NTNG1: variants seen among roughly 807,000 people sequenced by gnomAD.
NTNG1 encodes netrin-G1.
NTNG1 carries 16 observed loss-of-function variants against 54.0 expected under a neutral mutation model. The observed-to-expected ratio is 0.30, with a 90% CI of 0.20 to 0.45. NTNG1 has a LOEUF of 0.45. Ranked by LOEUF, NTNG1 falls within the 20% of genes least tolerant of loss-of-function variation. The pLI, the probability that NTNG1 is intolerant of heterozygous loss-of-function variation, is 1.00. For synonymous variants in NTNG1, 255 were observed against 263.1 expected (o/e 0.97, Z 0.30); for missense variants, 530 against 678.7 (o/e 0.78, Z 2.43).
At chr1:107,382,972 C>T (rs1450143458) in intron 3 of NTNG1, among the ~76,000 whole-genome samples, 1 of 152,106 alleles carries the variant, frequency 6.6e-6, no homozygotes, top group Non-Finnish European at 1.5e-5. Context: ...TTTTCCATAC[C>T]ACCCATGGGA....
At chr1:107,380,382 C>A (rs902091611) in intron 3 of NTNG1, among the ~76,000 whole-genome samples, 2 of 152,114 alleles carry the variant, frequency 1.3e-5, no homozygotes, top group African/African-American at 4.8e-5. Context: ...AGAGCTAAGT[C>A]ATTATGTTAT....
At chr1:107,437,122 G>A (rs1441676750) in intron 7 of NTNG1, among the ~76,000 whole-genome samples, 1 of 152,132 alleles carries the variant, frequency 6.6e-6, no homozygotes, top group Admixed American at 6.5e-5. Flanking sequence ...AGAATGAAGG[G>A]TGATGTGCAT....
chr1:107,389,455 T>C (rs1310872580), intron 3 of NTNG1, among the ~76,000 whole-genome samples: 1 of 152,172 alleles, frequency 6.6e-6, no homozygotes, highest in Admixed American at 6.5e-5. Flanking sequence ...CGGTATAGGT[T>C]TTTCATACCT....
chr1:107,235,205 C>A (rs767463241), intron 2 of NTNG1, among the ~76,000 whole-genome samples: 1 of 152,082 alleles, frequency 6.6e-6, no homozygotes, highest in East Asian at 1.9e-4. Context: ...AGTTCTGACA[C>A]GGAAAGAGCT....
At chr1:107,326,026 G>T (rs1667933684) in intron 3 of NTNG1, among the ~76,000 whole-genome samples, 1 of 152,072 alleles carries the variant, frequency 6.6e-6, no homozygotes, top group Non-Finnish European at 1.5e-5. Flanking sequence ...AAACTTTCTG[G>T]TCTGTTAGAG....
At chr1:107,418,577 C>T (rs1252504590) in intron 5 of NTNG1, 4 of 1,597,030 alleles carry the variant, frequency 2.5e-6, no homozygotes, top group Admixed American at 3.4e-5. Context: ...CTGATGCGTG[C>T]AGATCCTCCA....
At position 107,459,489 on chromosome 1, in the gene NTNG1, G is replaced by C. The variant is rs553402746; in HGVS notation, c.1391-21122G>C. On this transcript the variant is annotated intron_variant, in intron 7 of 7. Transcript: ENST00000370068. ...CCTAAAGAACAGAAAGAGAAGATGG[G>C]GGAGGAAAAAAAGGCAGGGGTAAAA... 2.0e-5 allele frequency among the ~76,000 whole-genome samples: 3 copies of C among 151,828 alleles called. No homozygotes were observed. The South Asian group carries it at 6.2e-4, about 31-fold the overall frequency.
At position 107,173,692 on chromosome 1, in the gene NTNG1, C is replaced by CT. The variant is rs918782405; in HGVS notation, c.246+24863dup. On this transcript the variant is annotated intron_variant, in intron 2 of 7. Coordinates refer to ENST00000370068, the MANE Select transcript of NTNG1 (RefSeq NM_001113226.3). ...AAATACAGTGAGAAAAATTGTAGCT[C>CT]TTTTTTTTTTCTTTTTTCTTTTCTT... Among the ~76,000 whole-genome samples the CT allele has an allele frequency of 3.9e-3, 536 of 135,974 alleles. 3 individuals carry two copies. The highest frequency in any genetic ancestry group is 0.013 in the African/African-American group (483 of 36,514). The allele number at this position is 135,974 out of a possible 152,430, so 89.2% of individuals were successfully genotyped here.
chr1:107,415,222 A>G (rs555399827), intron 5 of NTNG1, among the ~76,000 whole-genome samples: 1 of 152,250 alleles, frequency 6.6e-6, no homozygotes, highest in African/African-American at 2.4e-5. Context: ...GCATATCGTG[A>G]TCCTTCCCCT....
At chr1:107,421,840 G>A (rs532437352) in intron 5 of NTNG1, among the ~76,000 whole-genome samples, 9 of 151,930 alleles carry the variant, frequency 5.9e-5, no homozygotes, top group Admixed American at 3.3e-4. Context: ...GGTGTGTCTT[G>A]TTTTCCACCC....
At chr1:107,412,472 A>G (rs535046379) in intron 5 of NTNG1, among the ~76,000 whole-genome samples, 1 of 152,326 alleles carries the variant, frequency 6.6e-6, no homozygotes, top group South Asian at 2.1e-4. Context: ...CTGGCTGCAA[A>G]GGCTACACTC....
intron 2 of NTNG1, among the ~76,000 whole-genome samples, chr1:107,214,286 C>A (rs991595056): frequency 2.0e-5 from 3 of 152,108 alleles, no homozygotes. Flanking sequence ...TACTTTCCCC[C>A]GAGTCCCCAA....
At chr1:107,283,183 C>T (rs1447898204) in intron 2 of NTNG1, among the ~76,000 whole-genome samples, 2 of 152,138 alleles carry the variant, frequency 1.3e-5, no homozygotes, top group Non-Finnish European at 2.9e-5. Context: ...CCCAGTCTTT[C>T]CCAGAGATAA....
At chr1:107,293,949 G>A (rs961778214) in intron 2 of NTNG1, among the ~76,000 whole-genome samples, 8 of 152,058 alleles carry the variant, frequency 5.3e-5, no homozygotes, top group Non-Finnish European at 1.2e-4. Context: ...AAGTATATTG[G>A]TTTTGTTTTT....
At chr1:107,356,053 A>C (rs1238888088) in intron 3 of NTNG1, among the ~76,000 whole-genome samples, 1 of 152,168 alleles carries the variant, frequency 6.6e-6, no homozygotes, top group Non-Finnish European at 1.5e-5. Flanking sequence ...TCACTATGAA[A>C]GGGATTTAGT....
chr1:107,478,129 C>A (rs1213749494), intron 7 of NTNG1, among the ~76,000 whole-genome samples: 1 of 152,142 alleles, frequency 6.6e-6, no homozygotes, highest in Non-Finnish European at 1.5e-5. Flanking sequence ...TTATGAATAT[C>A]AGGTAAGATC....
At chr1:107,175,016 A>G (rs1379429050) in intron 2 of NTNG1, among the ~76,000 whole-genome samples, 1 of 152,172 alleles carries the variant, frequency 6.6e-6, no homozygotes, top group East Asian at 1.9e-4. Context: ...GAATGCCTTA[A>G]TGGTGAAATA....
rs1273440792 is a variant in NTNG1, at chr1:107,148,659, C to G, written c.66C>G (p.Pro22=). Residue 22 remains proline (P), a synonymous_variant, in exon 2 of 8, where the codon CCC becomes CCG. Transcript: ENST00000370068. ...LWVTVSSVMQ[P]YPLVWGHYDL... Reference sequence around the variant, plus strand: ...TTACGGTGTCCTCAGTGATGCAGCCCTACCCTTTGGTTTGGGGACATTATG... The same window carrying G: ...TTACGGTGTCCTCAGTGATGCAGCCGTACCCTTTGGTTTGGGGACATTATG... 4 of 1,613,314 alleles carry G rather than the reference C, an allele frequency of 2.5e-6. No individual in the cohort carries two copies. The highest frequency in any genetic ancestry group is 1.6e-4 in the Middle Eastern group (1 of 6,062).
chr1:107,343,759 G>A (rs775797626), intron 3 of NTNG1, among the ~76,000 whole-genome samples: 1 of 152,038 alleles, frequency 6.6e-6, no homozygotes, highest in Non-Finnish European at 1.5e-5. Context: ...AAGGAATTTT[G>A]TACTAAAAAC....
Sources: gnomAD v4.1 joint callset for allele counts (sites outside exome capture counted in the v4.1 genomes callset) on GRCh38, gnomAD v4.1.1 for gene constraint, MANE v1.5 for transcripts, NCBI Gene and HGNC (gene_info 2026-07-23, HGNC 2026-07-21) for gene names.